The following POP1 variants were observed in gnomAD, a reference collection of about 807,000 sequenced individuals.
The protein encoded by POP1 is ribonucleases P/MRP protein subunit POP1.
Under a neutral mutation model 102.2 loss-of-function variants are expected in POP1, and 75 were observed. That is an observed-to-expected ratio of 0.73 (90% CI 0.61 to 0.89). The LOEUF (loss-of-function observed/expected upper bound fraction) is 0.89, where lower values mean the gene tolerates loss of function less well. Ranked by LOEUF, POP1 falls within the 40% of genes least tolerant of loss-of-function variation. POP1 has a pLI of 0.00. For missense variants in POP1, 1,116 were observed against 1,267.4 expected, an observed-to-expected ratio of 0.88 and a Z score of 1.81; for synonymous variants, 436 against 464.1, an observed-to-expected ratio of 0.94 and a Z score of 0.78.
chr8:98,139,995 G>T (rs1816660475), intron 9 of POP1, 83 bp from the exon 10 acceptor site: 2 of 1,034,500 alleles, frequency 1.9e-6, no homozygotes, highest in Admixed American at 3.9e-5. Context: ...AGAAGAAAGA[G>T]TGGGGGCTGA....
At position 98,127,695 on chromosome 8, in the gene POP1, T is replaced by C. The variant is rs767629108; in HGVS notation, c.243T>C (p.Phe81=). 1 of 1,613,924 alleles carries C rather than the reference T, an allele frequency of 6.2e-7. No homozygotes were observed. ...VNEQSSSKGM[F]RKKGGWKAGP... ...AGCAGTCTTCCTCCAAAGGGATGTT[T>C]AGAAAAAAGGGAGGATGGAAAGCAG... Residue 81 remains phenylalanine (F), a synonymous_variant, in exon 3 of 16, where the codon TTT becomes TTC. Transcript: ENST00000401707.
intron 4 of POP1, among the ~76,000 whole-genome samples, chr8:98,128,945 A>G (rs1816295803): frequency 6.6e-6 from 1 of 152,010 alleles, no homozygotes; most frequent in Non-Finnish European, 1.5e-5. Context: ...AACTCAGAAA[A>G]CATCACCCTT....
chr8:98,148,047 G>A (rs1205562591), intron 12 of POP1, among the ~76,000 whole-genome samples: 4 of 152,188 alleles, frequency 2.6e-5, no homozygotes, highest in Non-Finnish European at 1.5e-5. Flanking sequence ...AGCTTGAGGG[G>A]CTGTGGGACT....
In POP1 at chr8:98,136,464, G is replaced by C; in HGVS notation, c.1012-18G>C. ...TAAATTTCAAGATTTTAAAGTGAAT[G>C]TTTAAATATATTTTTAGGATATCTT... is the stretch of plus-strand genomic sequence containing the variant. On this transcript the variant is annotated intron_variant, in intron 7 of 15. Coordinates refer to ENST00000401707, the MANE Select transcript of POP1 (RefSeq NM_001145860.2). 6.9e-6 allele frequency: 11 copies of C among 1,593,360 alleles called. No individual in the cohort carries two copies. Among genetic ancestry groups the C allele is most frequent in the Non-Finnish European group, 9.4e-6 (11 of 1,170,448 alleles).
chr8:98,124,539 T>C (rs1269430245), intron 2 of POP1, among the ~76,000 whole-genome samples: 1 of 151,372 alleles, frequency 6.6e-6, no homozygotes, highest in Non-Finnish European at 1.5e-5. Context: ...CCAGCCTGGG[T>C]GACAGTGAGA....
At chr8:98,154,294 G>C (rs1372620431) in intron 14 of POP1, among the ~76,000 whole-genome samples, 1 of 152,240 alleles carries the variant, frequency 6.6e-6, no homozygotes, top group Non-Finnish European at 1.5e-5. Context: ...GCCCAGGTCA[G>C]CTTTCCAGTG....
At chr8:98,145,838 G>A (rs746673954) in intron 11 of POP1, among the ~76,000 whole-genome samples, 2 of 151,954 alleles carry the variant, frequency 1.3e-5, no homozygotes, top group Non-Finnish European at 2.9e-5. Context: ...CCTGGGAGGC[G>A]AAGGTTGCAG....
chr8:98,119,415 T>C (rs1486755075), intron 1 of POP1, among the ~76,000 whole-genome samples: 1 of 152,314 alleles, frequency 6.6e-6, no homozygotes, highest in East Asian at 1.9e-4. Flanking sequence ...CACCAAAGGT[T>C]GTGTCTGGCC....
In POP1 at chr8:98,157,883, A is replaced by G. The variant is rs768535375; in HGVS notation, c.2687A>G (p.Gln896Arg). Residue 896 changes from glutamine (Q) to arginine (R), a missense_variant, in exon 16 of 16, where the codon CAG (glutamine) becomes CGG (arginine). Physicochemically the swap from Gln to Arg is conservative, Grantham distance 43. Coordinates refer to ENST00000401707, the MANE Select transcript of POP1 (RefSeq NM_001145860.2). ...LHEDWHYCGP[Q>R]ESKHSDPFRS... The stretch of plus-strand genomic sequence containing the variant: ...GAGGACTGGCATTACTGTGGGCCCC[A>G]GGAATCCAAACACAGTGACCCATTC... The G allele has an allele frequency of 1.2e-6, 2 of 1,614,074 alleles. No individual in the cohort carries two copies. Among genetic ancestry groups the G allele is most frequent in the East Asian group, 2.2e-5 (1 of 44,896 alleles).
Position 98,130,192 on chromosome 8 carries a change from G to C in POP1, c.701G>C (p.Cys234Ser). 10 of 1,614,168 alleles carry C rather than the reference G, an allele frequency of 6.2e-6. No individual in the cohort carries two copies. The highest frequency in any genetic ancestry group is 8.5e-6 in the Non-Finnish European group (10 of 1,180,026). ...ERPTVKSHRA[C>S]YRAMTNRCLL... ...CCAACAGTCAAGAGCCACAGAGCCT[G>C]CTATCGAGCCATGACGAACCGGTGC... The change falls in exon 5 of 16, where the codon TGC (cysteine) becomes TCC (serine). Residue 234 changes from cysteine to serine, a missense_variant. By Grantham distance (112) the Cys-to-Ser change is moderately radical (BLOSUM62 -1). Coordinates refer to ENST00000401707, the MANE Select transcript of POP1 (RefSeq NM_001145860.2).
At chr8:98,137,092 C>T (rs781026994) in intron 9 of POP1, 138 bp downstream of exon 9, 279 of 756,264 alleles carry the variant, frequency 3.7e-4, no homozygotes, top group Non-Finnish European at 5.6e-4. Flanking sequence ...TGCTTATTAT[C>T]AAAGATTTTG....
intron 14 of POP1, among the ~76,000 whole-genome samples, chr8:98,153,979 G>T (rs931416381): frequency 6.6e-6 from 1 of 152,168 alleles, no homozygotes; most frequent in Non-Finnish European, 1.5e-5. Context: ...GTTAGATTCT[G>T]CAGTGGGGGG....
intron 1 of POP1, among the ~76,000 whole-genome samples, chr8:98,120,976 T>G (rs1816001489): frequency 6.6e-6 from 1 of 152,040 alleles, no homozygotes; most frequent in African/African-American, 2.4e-5. Flanking sequence ...AGAGATGGGA[T>G]TTCACCATGT....
rs573235384 is a variant in POP1, at chr8:98,123,922, T to C, written c.142+443T>C. Reference sequence around the variant, plus strand: ...AGTAGACCCTTATTATTTTTGAGTTTCCTATTTGCAAGTTTGCCTACTTGC... The same window carrying C: ...AGTAGACCCTTATTATTTTTGAGTTCCCTATTTGCAAGTTTGCCTACTTGC... On this transcript the variant is annotated intron_variant, in intron 2 of 15. Transcript: ENST00000401707. 7.9e-4 allele frequency among the ~76,000 whole-genome samples: 120 copies of C among 152,330 alleles called. 1 individual carries two copies. The highest frequency in any genetic ancestry group is 1.3e-3 in the Non-Finnish European group (87 of 68,032).
At chr8:98,125,299 C>T (rs1816166491) in intron 2 of POP1, among the ~76,000 whole-genome samples, 1 of 150,902 alleles carries the variant, frequency 6.6e-6, no homozygotes, top group African/African-American at 2.4e-5. Context: ...GATTCTCCTG[C>T]CTCAGCCTCC....
chr8:98,156,005 A>T (rs1323626525), intron 14 of POP1, 45 bp from the exon 15 acceptor site: 1 of 1,604,618 alleles, frequency 6.2e-7, no homozygotes, highest in African/African-American at 1.3e-5. Flanking sequence ...TAGTTTTCCA[A>T]TCCTAAATTG....
Position 98,157,849 on chromosome 8 carries a change from C to T in POP1, c.2653C>T (p.Gln885Ter). Residue 885 changes from glutamine (Q) to a stop codon, truncating the protein, a stop_gained, in exon 16 of 16, where the codon CAG becomes TAG. Transcript: ENST00000401707. LOFTEE classifies it low-confidence loss of function (END_TRUNC). Reference protein sequence around the residue: ...ICVPAKEDFLQLHEDWHYCGP... With the variant: ...ICVPAKEDFL Reference sequence around the variant, plus strand: ...TGTCCCAGCCAAGGAGGACTTCCTCCAGCTCCATGAGGACTGGCATTACTG... The same window carrying T: ...TGTCCCAGCCAAGGAGGACTTCCTCTAGCTCCATGAGGACTGGCATTACTG... 1 of 1,614,166 alleles carries T rather than the reference C, an allele frequency of 6.2e-7. No individual in the cohort carries two copies. The highest frequency in any genetic ancestry group is 8.5e-7 in the Non-Finnish European group (1 of 1,179,982).
chr8:98,118,415 C>T (rs1815911469), intron 1 of POP1, among the ~76,000 whole-genome samples: 1 of 151,428 alleles, frequency 6.6e-6, no homozygotes, highest in Non-Finnish European at 1.5e-5. Flanking sequence ...CCTTCCTTTC[C>T]TTTTCTTTTT....
In POP1 at chr8:98,128,365, C is replaced by T. The variant is rs1208116467; in HGVS notation, c.311C>T (p.Ala104Val). Residue 104 changes from alanine to valine, a missense_variant and splice_region_variant, in exon 4 of 16, where the codon GCT becomes GTT. Physicochemically the swap from Ala to Val is moderately conservative, Grantham distance 64. Coordinates refer to ENST00000401707, the MANE Select transcript of POP1 (RefSeq NM_001145860.2). Reference protein sequence around the residue: ...TSQEIPKYITASTFAQARAAE... With the variant: ...TSQEIPKYITVSTFAQARAAE... ...ATGACTTTGTCATCTCCTTCAACAGCTTCTACTTTTGCTCAAGCACGAGCT... is the reference window on the plus strand; with the variant it reads ...ATGACTTTGTCATCTCCTTCAACAGTTTCTACTTTTGCTCAAGCACGAGCT... The T allele has an allele frequency of 1.2e-6, 2 of 1,613,750 alleles. No homozygotes were observed. The highest frequency in any genetic ancestry group is 1.7e-4 in the Middle Eastern group (1 of 5,934).
Sources: gnomAD v4.1 joint callset for allele counts (sites outside exome capture counted in the v4.1 genomes callset) on GRCh38, gnomAD v4.1.1 for gene constraint, MANE v1.5 for transcripts, NCBI Gene and HGNC (gene_info 2026-07-23, HGNC 2026-07-21) for gene names.